WWOX: variants seen among roughly 807,000 people sequenced by gnomAD.
The protein encoded by WWOX is WW domain-containing oxidoreductase.
In WWOX, 69 loss-of-function variants were observed where a neutral mutation model predicts 46.2. That is an observed-to-expected ratio of 1.49 (90% CI 1.23 to 1.82). The LOEUF is 1.82. WWOX is among the 40% of genes most tolerant of loss of function. The pLI is 0.00. For missense variants in WWOX, 919 were observed against 542.6 expected (o/e 1.69, Z -6.89); for synonymous variants, 359 against 202.6 (o/e 1.77, Z -6.56).
intron 8 of WWOX, chr16:79,204,930 G>A (rs1046985102): frequency 3.3e-5 from 5 of 152,158 alleles, no homozygotes; most frequent in East Asian, 3.9e-4. Flanking sequence ...TCCTCTCTTC[G>A]AGTCCACCTC....
At chr16:79,159,793 C>G (rs1007104207) in intron 8 of WWOX, among the ~76,000 whole-genome samples, 6 of 152,192 alleles carry the variant, frequency 3.9e-5, no homozygotes, top group African/African-American at 1.4e-4. Flanking sequence ...TCTCCTCATG[C>G]TAGGTGACTT....
At chr16:78,852,042 T>C (rs1355954866) in intron 8 of WWOX, among the ~76,000 whole-genome samples, 3 of 152,200 alleles carry the variant, frequency 2.0e-5, no homozygotes, top group Non-Finnish European at 2.9e-5. Flanking sequence ...AAGAGTGACT[T>C]GAACTGGGAC....
intron 8 of WWOX, among the ~76,000 whole-genome samples, chr16:78,443,312 C>CA (rs897467963): frequency 4.1e-4 from 62 of 150,278 alleles, no homozygotes; most frequent in African/African-American, 6.8e-4. Flanking sequence ...AACAAAAAAA[C>CA]AAAAAAAAAC....
chr16:79,102,614 A>G lies in WWOX; in HGVS notation c.1057-108994A>G, dbSNP rs138641880. The stretch of plus-strand genomic sequence containing the variant: ...AAGAGTTGCTAAGAGTTTGAAAATG[A>G]TCTCATTAAACAAGAAACATATATA... On this transcript the variant is annotated intron_variant, in intron 8 of 8. Transcript: ENST00000566780. Among the ~76,000 whole-genome samples, 5 of 152,298 alleles carry G rather than the reference A, an allele frequency of 3.3e-5. No homozygotes were observed. In the East Asian group the frequency reaches 9.7e-4, roughly 29 times the overall value.
intron 8 of WWOX, among the ~76,000 whole-genome samples, chr16:79,123,761 C>G (rs1383045310): frequency 6.6e-6 from 1 of 152,104 alleles, no homozygotes; most frequent in African/African-American, 2.4e-5. Context: ...AAAGCAGGCA[C>G]ATTATAAAGA....
At chr16:78,655,267 C>T (rs146753167) in intron 8 of WWOX, among the ~76,000 whole-genome samples, 1,543 of 152,198 alleles carry the variant, frequency 0.01, 12 homozygotes, top group African/African-American at 0.019. Flanking sequence ...GGGGCGTGGG[C>T]ACTAATTTGA....
intron 5 of WWOX, among the ~76,000 whole-genome samples, chr16:78,265,419 G>A (rs1391387867): frequency 6.6e-6 from 1 of 152,118 alleles, no homozygotes; most frequent in Non-Finnish European, 1.5e-5. Context: ...GGTGGCACAC[G>A]CCTGTAATCC....
chr16:78,140,186 G>A (rs1207385760), intron 4 of WWOX, among the ~76,000 whole-genome samples: 2 of 152,172 alleles, frequency 1.3e-5, no homozygotes, highest in East Asian at 3.9e-4. Context: ...AAATGGAGCT[G>A]TGAGAATTTG....
intron 8 of WWOX, among the ~76,000 whole-genome samples, chr16:78,558,130 C>T (rs2044350937): frequency 6.6e-6 from 1 of 152,090 alleles, no homozygotes; most frequent in African/African-American, 2.4e-5. Context: ...GAGAGGTTTG[C>T]TTTCACTCCT....
At chr16:79,039,816 G>T (rs1232375972) in intron 8 of WWOX, among the ~76,000 whole-genome samples, 1 of 152,148 alleles carries the variant, frequency 6.6e-6, no homozygotes, top group African/African-American at 2.4e-5. Context: ...GTGCTCTTCT[G>T]TCTGTCTGAT....
chr16:78,438,111 G>C (rs774754053), intron 8 of WWOX, among the ~76,000 whole-genome samples: 3 of 152,112 alleles, frequency 2.0e-5, no homozygotes, highest in Non-Finnish European at 4.4e-5. Flanking sequence ...CTTCCAAATA[G>C]AGATGCAGAT....
intron 8 of WWOX, among the ~76,000 whole-genome samples, chr16:79,013,353 C>G (rs1367792373): frequency 6.6e-6 from 1 of 152,226 alleles, no homozygotes; most frequent in Non-Finnish European, 1.5e-5. Flanking sequence ...AGGGATGTGT[C>G]TGACCCCAGG....
At chr16:78,693,772 A>G (rs2048040726) in intron 8 of WWOX, among the ~76,000 whole-genome samples, 1 of 152,146 alleles carries the variant, frequency 6.6e-6, no homozygotes, top group Non-Finnish European at 1.5e-5. Flanking sequence ...GCGCAGCCCC[A>G]AGGCTGAGAA....
rs375666965 is a variant in WWOX, at chr16:78,712,655, AATAG to A, written c.1056+279908_1056+279911del. Among the ~76,000 whole-genome samples, 61 of 152,310 alleles carry A rather than the reference AATAG, an allele frequency of 4.0e-4. No homozygotes were observed. The East Asian group carries it at 9.8e-3, about 25-fold the overall frequency. ...AGGAAAATTTGAATATGGAGTAGCTAATAGATAGTATTAAGAGAGTAGCCTTCAT... is the reference window on the plus strand; with the variant it reads ...AGGAAAATTTGAATATGGAGTAGCTAATAGTATTAAGAGAGTAGCCTTCAT... On this transcript the variant is annotated intron_variant, in intron 8 of 8. Transcript: ENST00000566780.
intron 8 of WWOX, among the ~76,000 whole-genome samples, chr16:78,710,724 C>G (rs1318514901): frequency 1.3e-5 from 2 of 151,320 alleles, no homozygotes; most frequent in Admixed American, 1.3e-4. Context: ...AACTGATTCT[C>G]TCATCTTAGC....
In WWOX at chr16:78,554,584, C is replaced by T. The variant is rs150905912; in HGVS notation, c.1056+121832C>T. On this transcript the variant is annotated intron_variant, in intron 8 of 8. Transcript: ENST00000566780. ...TGTATGATACATATCCATGCATATA[C>T]GTGGGTGTACACACACAGGTACACA... Among the ~76,000 whole-genome samples, 38 of 152,176 alleles carry T rather than the reference C, an allele frequency of 2.5e-4. No homozygotes were observed. In the Middle Eastern group the frequency reaches 0.01, roughly 41 times the overall value.
At position 79,211,827 on chromosome 16, in the gene WWOX, C is replaced by G. The variant is rs780339512; in HGVS notation, c.*31C>G. The G allele has an allele frequency of 2.5e-6, 4 of 1,613,214 alleles. No homozygotes were observed. The South Asian group carries it at 3.3e-5, about 13-fold the overall frequency. ...GCTCAGAGCGGATGGGCACACACAC[C>G]CGCCCTGTGTGTGTCCCCTCACGCA... is the stretch of plus-strand genomic sequence containing the variant. On this transcript the variant is annotated 3_prime_UTR_variant, in exon 9 of 9. Coordinates refer to ENST00000566780, the MANE Select transcript of WWOX (RefSeq NM_016373.4).
intron 8 of WWOX, among the ~76,000 whole-genome samples, chr16:78,908,125 G>C (rs952668458): frequency 6.6e-6 from 1 of 152,126 alleles, no homozygotes; most frequent in Non-Finnish European, 1.5e-5. Context: ...TTTACACCAG[G>C]ATTCTATGGC....
chr16:79,132,903 A>T (rs958631993), intron 8 of WWOX, among the ~76,000 whole-genome samples: 1 of 152,202 alleles, frequency 6.6e-6, no homozygotes, highest in African/African-American at 2.4e-5. Flanking sequence ...AGATGGATGG[A>T]GCACTGGATT....
Sources: allele counts gnomAD v4.1 joint callset (sites outside exome capture counted in the v4.1 genomes callset), GRCh38; gene constraint gnomAD v4.1.1; transcripts MANE v1.5; gene names NCBI Gene and HGNC (gene_info 2026-07-23, HGNC 2026-07-21).